The following DCC variants were observed in gnomAD, a reference collection of about 807,000 sequenced individuals.
The protein encoded by DCC is netrin receptor DCC.
A neutral mutation model predicts 172.5 loss-of-function variants in DCC; 58 were observed. That is an observed-to-expected ratio of 0.34 (90% CI 0.27 to 0.42). The LOEUF (loss-of-function observed/expected upper bound fraction) is 0.42. Among genes scored for constraint, DCC ranks in the 10% least tolerant of loss-of-function variants. DCC has a pLI of 1.00. For missense variants in DCC, 1,740 were observed against 1,791.0 expected, an observed-to-expected ratio of 0.97 and a Z score of 0.51; for synonymous variants, 709 against 644.5, an observed-to-expected ratio of 1.10 and a Z score of -1.52.
intron 2 of DCC, among the ~76,000 whole-genome samples, chr18:52,902,000 G>A (rs1263137588): frequency 6.6e-6 from 1 of 152,168 alleles, no homozygotes. Flanking sequence ...AAAAGGGAGA[G>A]ATTTTTGATT....
chr18:52,903,238 C>T (rs1470181843), intron 2 of DCC, among the ~76,000 whole-genome samples: 1 of 152,206 alleles, frequency 6.6e-6, no homozygotes, highest in East Asian at 1.9e-4. Flanking sequence ...CAGGTTCTCA[C>T]TCTCTTGCCC....
intron 27 of DCC, among the ~76,000 whole-genome samples, chr18:53,517,606 C>A (rs1004761477): frequency 6.6e-6 from 1 of 152,034 alleles, no homozygotes; most frequent in Non-Finnish European, 1.5e-5. Flanking sequence ...ATGAAAGCCA[C>A]GTTACTTGTG....
At chr18:52,822,979 G>C (rs1157750046) in intron 2 of DCC, among the ~76,000 whole-genome samples, 5 of 152,132 alleles carry the variant, frequency 3.3e-5, no homozygotes, top group African/African-American at 9.7e-5. Flanking sequence ...AACTTAAATA[G>C]CTAGAATTTA....
chr18:52,842,653 TCTTA>T (rs1020976536), intron 2 of DCC, among the ~76,000 whole-genome samples: 7 of 152,194 alleles, frequency 4.6e-5, no homozygotes, highest in Non-Finnish European at 7.3e-5. Context: ...TAACCATCAC[TCTTA>T]CTTAATCAGA....
intron 12 of DCC, among the ~76,000 whole-genome samples, chr18:53,297,819 A>G (rs532231556): frequency 5.3e-5 from 8 of 152,338 alleles, no homozygotes; most frequent in African/African-American, 1.9e-4. Flanking sequence ...ATCATCTACT[A>G]AAGAACCTAA....
rs532319511 is a variant in DCC, at chr18:53,309,154, C to T, written c.2053+3435C>T. On this transcript the variant is annotated intron_variant, in intron 13 of 28. Transcript: ENST00000442544. ...CGGGACTCAAGTGATCCTCCTGCCT[C>T]GGCCTACGGAGCAGCTGGGACTATA... 3.9e-5 allele frequency among the ~76,000 whole-genome samples: 6 copies of T among 152,216 alleles called. No individual in the cohort carries two copies. In the East Asian group the frequency reaches 5.8e-4, roughly 15 times the overall value.
chr18:52,375,410 T>C lies in DCC; in HGVS notation c.91+34532T>C, dbSNP rs1164660211. Among the ~76,000 whole-genome samples, 6 of 152,214 alleles carry C rather than the reference T, an allele frequency of 3.9e-5. No individual in the cohort carries two copies. The East Asian group carries it at 9.6e-4, about 24-fold the overall frequency. ...ATATTTTATTAGTAGTATAATGAAATAATGAAATGCTGGTACTGGTTTAGC... is the reference window on the plus strand; with the variant it reads ...ATATTTTATTAGTAGTATAATGAAACAATGAAATGCTGGTACTGGTTTAGC... On this transcript the variant is annotated intron_variant, in intron 1 of 28. Transcript: ENST00000442544.
intron 1 of DCC, among the ~76,000 whole-genome samples, chr18:52,693,649 C>G (rs1339557800): frequency 6.6e-6 from 1 of 151,758 alleles, no homozygotes; most frequent in Non-Finnish European, 1.5e-5. Context: ...GGAGAAATAA[C>G]TGACTCTAAA....
intron 18 of DCC, among the ~76,000 whole-genome samples, chr18:53,401,185 A>G (rs1909268592): frequency 6.6e-6 from 1 of 152,148 alleles, no homozygotes; most frequent in Admixed American, 6.5e-5. Context: ...AGCCATATAT[A>G]TCATATTATA....
intron 7 of DCC, among the ~76,000 whole-genome samples, chr18:53,134,844 A>C (rs1202953233): frequency 3.3e-5 from 5 of 152,158 alleles, no homozygotes; most frequent in African/African-American, 1.2e-4. Flanking sequence ...TCACCATCAA[A>C]TGCAGTTGAC....
At chr18:52,502,668 T>G (rs552736639) in intron 1 of DCC, among the ~76,000 whole-genome samples, 2 of 151,700 alleles carry the variant, frequency 1.3e-5, no homozygotes, top group African/African-American at 4.8e-5. Context: ...TGGTTCCAAT[T>G]TGGAAGCTGA....
intron 2 of DCC, among the ~76,000 whole-genome samples, chr18:52,879,512 C>T (rs1033790830): frequency 4.1e-5 from 6 of 147,094 alleles, no homozygotes; most frequent in South Asian, 4.4e-4. Context: ...CAACCTCCAC[C>T]TCCTGGGTTC....
chr18:52,378,475 C>T lies in DCC; in HGVS notation c.91+37597C>T, dbSNP rs1025001151. Among the ~76,000 whole-genome samples, 3 of 152,124 alleles carry T rather than the reference C, an allele frequency of 2.0e-5. No individual in the cohort carries two copies. The South Asian group carries it at 6.2e-4, about 31-fold the overall frequency. On this transcript the variant is annotated intron_variant, in intron 1 of 28. Transcript: ENST00000442544. ...ATAAATATATACAGTGGACTTTACA[C>T]TTCAGGGAGTATAATCTTGTTTGTG...
chr18:52,828,765 A>G (rs2038559540), intron 2 of DCC, among the ~76,000 whole-genome samples: 1 of 152,140 alleles, frequency 6.6e-6, no homozygotes, highest in Admixed American at 6.5e-5. Flanking sequence ...TTTGGTTTGG[A>G]TGCTTCAGGG....
At chr18:52,644,082 G>A (rs777896932) in intron 1 of DCC, among the ~76,000 whole-genome samples, 28 of 152,038 alleles carry the variant, frequency 1.8e-4, no homozygotes, top group Non-Finnish European at 3.5e-4. Flanking sequence ...ATAGTGTATT[G>A]TGTGTTTCCC....
chr18:52,596,414 T>C (rs568952917), intron 1 of DCC, among the ~76,000 whole-genome samples: 2 of 152,292 alleles, frequency 1.3e-5, no homozygotes, highest in East Asian at 3.9e-4. Context: ...AGAGATCATT[T>C]AACCTGATAA....
At chr18:53,477,976 T>C (rs972440511) in intron 25 of DCC, among the ~76,000 whole-genome samples, 1 of 152,222 alleles carries the variant, frequency 6.6e-6, no homozygotes, top group Non-Finnish European at 1.5e-5. Flanking sequence ...TTTCTTACTA[T>C]AATGAAATTA....
At chr18:52,802,444 A>G (rs2038008037) in intron 2 of DCC, among the ~76,000 whole-genome samples, 1 of 148,222 alleles carries the variant, frequency 6.7e-6, no homozygotes, top group African/African-American at 2.5e-5. Context: ...ACCCCCACAC[A>G]ATCAAAAACC....
chr18:53,286,829 T>G (rs1379781268), intron 12 of DCC, among the ~76,000 whole-genome samples: 1 of 152,192 alleles, frequency 6.6e-6, no homozygotes, highest in African/African-American at 2.4e-5. Flanking sequence ...AATGTAGGGG[T>G]GTTTCCAACT....
Sources: gnomAD v4.1 joint callset for allele counts (sites outside exome capture counted in the v4.1 genomes callset) on GRCh38, gnomAD v4.1.1 for gene constraint, MANE v1.5 for transcripts, NCBI Gene and HGNC (gene_info 2026-07-23, HGNC 2026-07-21) for gene names.